Variants in SDCCAG8 observed in about 807,000 individuals in gnomAD.
The protein encoded by SDCCAG8 is serologically defined colon cancer antigen 8.
A neutral mutation model predicts 101.8 loss-of-function variants in SDCCAG8; 74 were observed. That is an observed-to-expected ratio of 0.73 (90% CI 0.60 to 0.88). The LOEUF is 0.88. Among genes scored for constraint, SDCCAG8 ranks in the 40% least tolerant of loss-of-function variants. The probability of loss-of-function intolerance (pLI) is 0.00; values close to 1 mark genes in which losing one functional copy is unlikely to be tolerated. For missense variants in SDCCAG8, 787 were observed against 822.6 expected, an observed-to-expected ratio of 0.96 and a Z score of 0.53; for synonymous variants, 281 against 292.9, an observed-to-expected ratio of 0.96 and a Z score of 0.41.
At chr1:243,432,588 A>C (rs927878288) in intron 16 of SDCCAG8, among the ~76,000 whole-genome samples, 3 of 152,214 alleles carry the variant, frequency 2.0e-5, no homozygotes, top group Non-Finnish European at 4.4e-5. Flanking sequence ...TAGCAGTTGA[A>C]TTTTATATTC....
In SDCCAG8 at chr1:243,282,525, A is replaced by G. The variant is rs139555531; in HGVS notation, c.421-3747A>G. Among the ~76,000 whole-genome samples the G allele has an allele frequency of 2.0e-4, 30 of 152,318 alleles. No individual in the cohort carries two copies. The East Asian group carries it at 5.6e-3, about 28-fold the overall frequency. On this transcript the variant is annotated intron_variant, in intron 4 of 17. Transcript: ENST00000366541. Reference sequence around the variant, plus strand: ...TTTAATACTCTTTTTTTCTTTATGTAGATGGCAGTTTCTGACTTTATCACC... The same window carrying G: ...TTTAATACTCTTTTTTTCTTTATGTGGATGGCAGTTTCTGACTTTATCACC...
chr1:243,492,044 G>A (rs974195748), intron 17 of SDCCAG8, among the ~76,000 whole-genome samples: 2 of 152,060 alleles, frequency 1.3e-5, no homozygotes, highest in Non-Finnish European at 2.9e-5. Flanking sequence ...GCCCCTGGTG[G>A]TGGGGCTCAG....
chr1:243,484,680 G>A (rs889241461), intron 16 of SDCCAG8, among the ~76,000 whole-genome samples: 2 of 152,152 alleles, frequency 1.3e-5, no homozygotes, highest in Non-Finnish European at 2.9e-5. Context: ...TCCATTGGCC[G>A]GGAACCGCCC....
At chr1:243,281,315 G>A (rs992140806) in intron 4 of SDCCAG8, among the ~76,000 whole-genome samples, 2 of 60,184 alleles carry the variant, frequency 3.3e-5, no homozygotes, top group South Asian at 1.0e-3. Flanking sequence ...TTTTTTTTTT[G>A]GTTAGAGATG....
intron 9 of SDCCAG8, among the ~76,000 whole-genome samples, chr1:243,319,261 A>G (rs1195199945): frequency 1.3e-5 from 2 of 152,218 alleles, no homozygotes; most frequent in East Asian, 3.8e-4. Flanking sequence ...GAGGACAGGT[A>G]TCCAAACCAT....
chr1:243,420,649 C>T (rs1006694330), intron 15 of SDCCAG8, among the ~76,000 whole-genome samples: 1 of 152,164 alleles, frequency 6.6e-6, no homozygotes, highest in Non-Finnish European at 1.5e-5. Context: ...TTGTTACTTA[C>T]TATTTTTAAA....
At chr1:243,493,695 G>T (rs1204961111) in intron 17 of SDCCAG8, among the ~76,000 whole-genome samples, 1 of 152,002 alleles carries the variant, frequency 6.6e-6, no homozygotes, top group East Asian at 1.9e-4. Flanking sequence ...AGCATTCTTG[G>T]CAGTGAATTT....
At chr1:243,418,184 G>A (rs1197053412) in intron 15 of SDCCAG8, 108 bp downstream of exon 15, 3 of 763,058 alleles carry the variant, frequency 3.9e-6, no homozygotes, top group Admixed American at 4.1e-5. Flanking sequence ...TCAAAATTAG[G>A]TATCTGCTGA....
rs764805387 is a variant in SDCCAG8 at position 243,499,919 on chromosome 1, C to T, written c.*134C>T. On this transcript the variant is annotated 3_prime_UTR_variant, in exon 18 of 18. Transcript: ENST00000366541. ...CTCAGCCTGCAGTGGGGCTGGTCCT[C>T]ATCAACGCGGGCGCTGTCCCCGCAC... 1.6e-5 allele frequency: 13 copies of T among 820,540 alleles called. No individual in the cohort carries two copies. The highest frequency in any genetic ancestry group is 2.6e-5 in the East Asian group (1 of 38,010). The allele number at this position is 820,540 out of a possible 1,614,324, so 50.8% of individuals were successfully genotyped here.
chr1:243,276,635 A>G (rs973785811), intron 4 of SDCCAG8, among the ~76,000 whole-genome samples: 2 of 152,136 alleles, frequency 1.3e-5, no homozygotes, highest in Non-Finnish European at 2.9e-5. Context: ...ATGAACCACT[A>G]TTGTTAAATT....
chr1:243,371,801 A>T (rs1036158418), intron 12 of SDCCAG8, among the ~76,000 whole-genome samples: 32 of 152,102 alleles, frequency 2.1e-4, no homozygotes, highest in Admixed American at 1.3e-4. Flanking sequence ...ATGCCAAAAA[A>T]TTTTCTGTGA....
Position 243,326,181 on chromosome 1 carries a change from T to C in SDCCAG8, c.1069-4359T>C, listed in dbSNP as rs889458140. ...TATGTATTTCCAATTTGCTAAGACC[T>C]ATCCTGCCATATATCTTTGTGGGTA... On this transcript the variant is annotated intron_variant, in intron 9 of 17. Transcript: ENST00000366541. 3.3e-5 allele frequency among the ~76,000 whole-genome samples: 5 copies of C among 152,346 alleles called. No homozygotes were observed. In the South Asian group the frequency reaches 1.0e-3, roughly 32 times the overall value.
At chr1:243,484,870 C>A (rs1001431404) in intron 16 of SDCCAG8, among the ~76,000 whole-genome samples, 2 of 152,090 alleles carry the variant, frequency 1.3e-5, no homozygotes, top group African/African-American at 4.8e-5. Flanking sequence ...ATCGTGAAAC[C>A]CCATCTCTAC....
chr1:243,294,031 C>T (rs2070540951), intron 6 of SDCCAG8, among the ~76,000 whole-genome samples: 1 of 152,006 alleles, frequency 6.6e-6, no homozygotes, highest in African/African-American at 2.4e-5. Context: ...TTCTTTAGTT[C>T]TTTGTCCATG....
chr1:243,314,685 T>C lies in SDCCAG8; in HGVS notation c.930-2070T>C, dbSNP rs556152648. On this transcript the variant is annotated intron_variant, in intron 8 of 17. Transcript: ENST00000366541. Reference sequence around the variant, plus strand: ...TTTATCCTGTTGTGGATCTGTCTGTTTGCATACTTATAAACACTGAGCTTT... The same window carrying C: ...TTTATCCTGTTGTGGATCTGTCTGTCTGCATACTTATAAACACTGAGCTTT... Among the ~76,000 whole-genome samples the C allele has an allele frequency of 1.6e-4, 24 of 152,068 alleles. 1 individual carries two copies. The East Asian group carries it at 3.3e-3, about 21-fold the overall frequency.
chr1:243,381,544 G>A (rs536905464), intron 13 of SDCCAG8, among the ~76,000 whole-genome samples: 2 of 151,968 alleles, frequency 1.3e-5, no homozygotes, highest in East Asian at 1.9e-4. Flanking sequence ...AGCTGTGATT[G>A]CGCCGCTACA....
chr1:243,256,276 G>A (rs771092630), intron 1 of SDCCAG8, 36 bp downstream of exon 1: 3 of 1,590,616 alleles, frequency 1.9e-6, no homozygotes, highest in South Asian at 2.2e-5. Flanking sequence ...TAGCCCCGAG[G>A]TGCCCAGGGC....
rs974202571 is a variant in SDCCAG8 at position 243,474,298 on chromosome 1, C to T, written c.1986-14716C>T. ...CATCTCCTCCTCTCAACCGTCATCC[C>T]GGTTTAATCCTCTCCTTCTGCCAAA... On this transcript the variant is annotated intron_variant, in intron 16 of 17. Coordinates refer to ENST00000366541, the MANE Select transcript of SDCCAG8 (RefSeq NM_006642.5). The surrounding 1 kb of genome is among the most constrained non-coding windows in gnomAD (Gnocchi z 4.7). 4.1e-4 allele frequency among the ~76,000 whole-genome samples: 62 copies of T among 152,178 alleles called. No homozygotes were observed. Among genetic ancestry groups the T allele is most frequent in the Non-Finnish European group, 1.2e-4 (8 of 68,032 alleles).
intron 1 of SDCCAG8, among the ~76,000 whole-genome samples, chr1:243,266,321 C>CTT (rs570185322): frequency 5.6e-5 from 8 of 141,986 alleles, no homozygotes; most frequent in East Asian, 2.0e-4. Context: ...TTTTCTTTTT[C>CTT]TTTTTTTTTT....
Sources: allele counts gnomAD v4.1 joint callset (sites outside exome capture counted in the v4.1 genomes callset), GRCh38; gene constraint gnomAD v4.1.1; non-coding constraint Gnocchi (gnomAD v3.1); transcripts MANE v1.5; gene names NCBI Gene and HGNC (gene_info 2026-07-23, HGNC 2026-07-21).